SESTD1: variants seen among roughly 807,000 people sequenced by gnomAD.
SESTD1 encodes SEC14 domain and spectrin repeat-containing protein 1.
SESTD1 carries 43 observed loss-of-function variants against 101.7 expected under a neutral mutation model. That is an observed-to-expected ratio of 0.42 (90% CI 0.33 to 0.55). The LOEUF (loss-of-function observed/expected upper bound fraction) is 0.55. Among genes scored for constraint, SESTD1 ranks in the 20% least tolerant of loss-of-function variants. The pLI is 0.07. For synonymous variants in SESTD1, 283 were observed against 286.8 expected, an observed-to-expected ratio of 0.99 and a Z score of 0.13; for missense variants, 647 against 815.1, an observed-to-expected ratio of 0.79 and a Z score of 2.51.
At chr2:179,185,823 T>G (rs1210337353) in intron 2 of SESTD1, among the ~76,000 whole-genome samples, 1 of 131,072 alleles carries the variant, frequency 7.6e-6, no homozygotes, top group African/African-American at 2.9e-5. Context: ...ATATAGTATA[T>G]TATATATAAT....
In SESTD1 at chr2:179,112,276, T is replaced by C. The variant is rs561787703; in HGVS notation, c.1961+448A>G. Among the ~76,000 whole-genome samples, 3 of 152,338 alleles carry C rather than the reference T, an allele frequency of 2.0e-5. No individual in the cohort carries two copies. The South Asian group carries it at 6.2e-4, about 32-fold the overall frequency. ...CTTACTTAATCTCTGTGGGCCTCAG[T>C]TTCTTCATTTGTAAATCAGGAATAA... On this transcript the variant is annotated intron_variant, in intron 17 of 17. Coordinates refer to ENST00000428443, the MANE Select transcript of SESTD1 (RefSeq NM_178123.5).
rs2045131229 is a variant in SESTD1, at chr2:179,135,845, AT to A, written c.850-3420del. 2.0e-5 allele frequency among the ~76,000 whole-genome samples: 3 copies of A among 152,204 alleles called. No homozygotes were observed. In the South Asian group the frequency reaches 6.2e-4, roughly 32 times the overall value. ...GACTCAGTGGAACAGCCTAAGTGCT[AT>A]AACTTTCTATTGGCTAAACACTGTT... is the stretch of plus-strand genomic sequence containing the variant. On this transcript the variant is annotated intron_variant, in intron 9 of 17. Coordinates refer to ENST00000428443, the MANE Select transcript of SESTD1 (RefSeq NM_178123.5).
At chr2:179,258,137 A>G (rs2047427233) in intron 1 of SESTD1, among the ~76,000 whole-genome samples, 1 of 152,230 alleles carries the variant, frequency 6.6e-6, no homozygotes, top group Non-Finnish European at 1.5e-5. Context: ...ATTCTTATAT[A>G]TAGCTCCAAA....
At chr2:179,182,439 G>A (rs1376490171) in intron 3 of SESTD1, among the ~76,000 whole-genome samples, 2 of 152,066 alleles carry the variant, frequency 1.3e-5, no homozygotes, top group Non-Finnish European at 2.9e-5. Context: ...TCCATCATTA[G>A]AATTTTGAAA....
At chr2:179,231,462 G>C (rs2046986444) in intron 1 of SESTD1, among the ~76,000 whole-genome samples, 1 of 151,248 alleles carries the variant, frequency 6.6e-6, no homozygotes, top group Non-Finnish European at 1.5e-5. Context: ...ATTTAAAAAA[G>C]GCATAAACAT....
chr2:179,115,311 TG>T (rs1559096240), intron 15 of SESTD1, 55 bp from the exon 16 acceptor site: 6 of 1,352,432 alleles, frequency 4.4e-6, no homozygotes, highest in Non-Finnish European at 5.0e-6. Context: ...AAGAGAAGGA[TG>T]GGGAAAGTGT....
At chr2:179,162,400 ATACT>A (rs964893075) in intron 5 of SESTD1, 5 of 152,220 alleles carry the variant, frequency 3.3e-5, no homozygotes, top group Admixed American at 1.3e-4. Flanking sequence ...AGAGAGACTG[ATACT>A]TACTTTGATA....
chr2:179,162,475 C>A (rs1244877265), intron 5 of SESTD1: 1 of 152,096 alleles, frequency 6.6e-6, no homozygotes, highest in Non-Finnish European at 1.5e-5. Context: ...TGCAGTATGT[C>A]ACTGATATCC....
chr2:179,117,022 A>AAAATT (rs1400691824), intron 14 of SESTD1, among the ~76,000 whole-genome samples: 2 of 152,234 alleles, frequency 1.3e-5, no homozygotes, highest in Non-Finnish European at 1.5e-5. Context: ...GCATTCTTTT[A>AAAATT]AAATTAATAT....
rs2046038893 is a variant in SESTD1, at chr2:179,177,918, C to A, written c.165-1380G>T. Among the ~76,000 whole-genome samples the A allele has an allele frequency of 2.0e-5, 3 of 152,134 alleles. 1 individual carries two copies. In the South Asian group the frequency reaches 6.2e-4, roughly 31 times the overall value. On this transcript the variant is annotated intron_variant, in intron 3 of 17. Transcript: ENST00000428443. Reference sequence around the variant, plus strand: ...CTAAAACATGGCTAAACCTTGAAAACATTATGCTAAGTAAAACACGCCAGA... The same window carrying A: ...CTAAAACATGGCTAAACCTTGAAAAAATTATGCTAAGTAAAACACGCCAGA...
rs1244489003 is a variant in SESTD1, at chr2:179,183,140, A to G, written c.104T>C (p.Leu35Pro). 3 of 1,612,128 alleles carry G rather than the reference A, an allele frequency of 1.9e-6. No individual in the cohort carries two copies. In the Admixed American group the frequency reaches 5.0e-5, roughly 27 times the overall value. ...SGLILTIPLCLEQTNMDELSV... is the reference protein window; with the variant it reads ...SGLILTIPLCPEQTNMDELSV... ...CAGCTCATCCATATTTGTCTGTTCG[A>G]GGCATAATGGAATTGTCAAAATGAG... The change falls in exon 3 of 18, where the codon CTC becomes CCC. Residue 35 changes from leucine (L) to proline (P), a missense_variant. Leu to Pro is a moderately conservative substitution (Grantham distance 98). Around this residue, in one of 3 missense-constraint regions of SESTD1, gnomAD observed 168 missense variants for 235.1 expected, o/e 0.71. Transcript: ENST00000428443.
chr2:179,230,389 G>T (rs1167956143), intron 1 of SESTD1, among the ~76,000 whole-genome samples: 1 of 151,808 alleles, frequency 6.6e-6, no homozygotes, highest in Non-Finnish European at 1.5e-5. Flanking sequence ...GCCCACCTCA[G>T]CCTCCCAAAG....
intron 4 of SESTD1, among the ~76,000 whole-genome samples, chr2:179,175,348 A>G (rs1186930066): frequency 6.6e-6 from 1 of 152,168 alleles, no homozygotes; most frequent in African/African-American, 2.4e-5. Flanking sequence ...GTTAAAAACC[A>G]TTCTCCTTAA....
chr2:179,190,680 A>G (rs549878064), intron 2 of SESTD1, among the ~76,000 whole-genome samples: 2 of 152,322 alleles, frequency 1.3e-5, no homozygotes, highest in African/African-American at 4.8e-5. Flanking sequence ...AACTTAATCA[A>G]TTCAACAAGG....
At position 179,109,876 on chromosome 2, in the gene SESTD1, A is replaced by G; in HGVS notation, c.*23T>C. 6.2e-7 allele frequency: 1 copy of G among 1,612,388 alleles called. No individual in the cohort carries two copies. The highest frequency in any genetic ancestry group is 1.1e-5 in the South Asian group (1 of 90,986). ...ACAACATGCGGGATTATGAACTGCA[A>G]ATCTGTAGGTAGCTGGTAGCTATTA... On this transcript the variant is annotated 3_prime_UTR_variant, in exon 18 of 18. Coordinates refer to ENST00000428443, the MANE Select transcript of SESTD1 (RefSeq NM_178123.5).
chr2:179,229,798 C>CAG (rs57045880), intron 1 of SESTD1, among the ~76,000 whole-genome samples: 1 of 136,096 alleles, frequency 7.3e-6, no homozygotes, highest in Non-Finnish European at 1.6e-5. Context: ...CACACACACA[C>CAG]ACACACACAC....
At chr2:179,244,412 T>TTGTGC (rs1403656507) in intron 1 of SESTD1, among the ~76,000 whole-genome samples, 2 of 149,314 alleles carry the variant, frequency 1.3e-5, no homozygotes, top group Non-Finnish European at 3.0e-5. Flanking sequence ...TGAGCCGAGA[T>TTGTGC]CACACCACTG....
At chr2:179,143,942 T>C (rs2045339690) in intron 8 of SESTD1, 139 bp from the exon 9 acceptor site, 2 of 810,662 alleles carry the variant, frequency 2.5e-6, no homozygotes, top group Non-Finnish European at 1.9e-6. Context: ...AATTTAAAAA[T>C]GTATGTATCA....
Position 179,263,181 on chromosome 2 carries a change from C to G in SESTD1, c.-26+1318G>C, listed in dbSNP as rs554815078. ...TCTAGGTCCTTGGGGAATTTTTTCA[C>G]GTATTTAGTCATGGGGCAAAGTATT... is the stretch of plus-strand genomic sequence containing the variant. On this transcript the variant is annotated intron_variant, in intron 1 of 17. Coordinates refer to ENST00000428443, the MANE Select transcript of SESTD1 (RefSeq NM_178123.5). Among the ~76,000 whole-genome samples the G allele has an allele frequency of 9.8e-4, 149 of 152,188 alleles. 1 individual carries two copies. The highest frequency in any genetic ancestry group is 3.4e-3 in the African/African-American group (142 of 41,518).
Sources: gnomAD v4.1 joint callset for allele counts (sites outside exome capture counted in the v4.1 genomes callset) on GRCh38, gnomAD v4.1.1 for gene constraint, gnomAD v4.1.1 regional missense constraint, MANE v1.5 for transcripts, NCBI Gene and HGNC (gene_info 2026-07-23, HGNC 2026-07-21) for gene names.